SRPK2: variants seen among roughly 807,000 people sequenced by gnomAD.
The protein encoded by SRPK2 is SRSF protein kinase 2.
In SRPK2, 21 loss-of-function variants were observed where a neutral mutation model predicts 90.8. That is an observed-to-expected ratio of 0.23 (90% CI 0.16 to 0.33). The LOEUF (loss-of-function observed/expected upper bound fraction) is 0.33, where lower values mean the gene tolerates loss of function less well. SRPK2 is among the 10% of genes least tolerant of loss of function. The pLI is 1.00. For synonymous variants in SRPK2, 288 were observed against 311.1 expected (o/e 0.93, Z 0.78); for missense variants, 620 against 869.0 (o/e 0.71, Z 3.60).
In SRPK2 at chr7:105,377,979, T is replaced by C. The variant is rs752854479; in HGVS notation, c.71+10669A>G. On this transcript the variant is annotated intron_variant, in intron 2 of 15. Transcript: ENST00000393651. ...GGCCTCTAAGCAACTCCCCACACAA[T>C]AGCTAAAGGAATCTTTCTAAAAACC... Among the ~76,000 whole-genome samples the C allele has an allele frequency of 3.9e-5, 6 of 151,986 alleles. 1 individual carries two copies. The highest frequency in any genetic ancestry group is 7.2e-5 in the African/African-American group (3 of 41,386).
Position 105,142,441 on chromosome 7 carries a change from A to T in SRPK2, c.1110T>A (p.Ile370=), listed in dbSNP as rs2240464. The part of the protein sequence containing the change: ...EEKEDAEKEN[I]EKDEDDVDQE... ...GATCTACATCATCTTCATCTTTTTC[A>T]ATGTTTTCTTTCTCAGCATCTTCTT... Residue 370 remains isoleucine (I), a synonymous_variant, in exon 11 of 16, where the codon ATT becomes ATA. Transcript: ENST00000393651. 4,621 of 1,612,726 alleles carry T rather than the reference A, an allele frequency of 2.9e-3. 133 individuals are homozygous for T. The East Asian group carries it at 0.062, about 22-fold the overall frequency.
intron 1 of SRPK2, among the ~76,000 whole-genome samples, chr7:105,394,942 G>A (rs7809464): frequency 0.41 from 62,231 of 152,104 alleles, 14,916 homozygotes; most frequent in Non-Finnish European, 0.53. Flanking sequence ...AGGCCAAGGT[G>A]GGCGGGACAT....
chr7:105,158,598 C>A (rs948830402), intron 7 of SRPK2, among the ~76,000 whole-genome samples: 1 of 152,112 alleles, frequency 6.6e-6, no homozygotes, highest in Non-Finnish European at 1.5e-5. Context: ...GTGGTGTGGT[C>A]AGTCACTTAA....
chr7:105,245,066 C>CACAT (rs1185272059), intron 2 of SRPK2: 25 of 649,766 alleles, frequency 3.8e-5, no homozygotes, highest in South Asian at 3.5e-4. Context: ...CACACACACA[C>CACAT]ACACACACCT....
At chr7:105,256,504 C>T (rs897824560) in intron 2 of SRPK2, among the ~76,000 whole-genome samples, 8 of 152,170 alleles carry the variant, frequency 5.3e-5, no homozygotes, top group African/African-American at 1.4e-4. Context: ...TACAGGTACA[C>T]ATCACCATGC....
intron 11 of SRPK2, among the ~76,000 whole-genome samples, chr7:105,140,900 G>T (rs929185564): frequency 3.3e-5 from 5 of 152,052 alleles, no homozygotes; most frequent in Non-Finnish European, 5.9e-5. Flanking sequence ...GGCAGAGGTT[G>T]CAGTGAGCCG....
chr7:105,223,818 C>A (rs764458635), intron 2 of SRPK2, among the ~76,000 whole-genome samples: 1 of 152,148 alleles, frequency 6.6e-6, no homozygotes. Flanking sequence ...GTATAAAATA[C>A]CTAAGTGTGC....
chr7:105,183,471 T>TTTTG lies in SRPK2; in HGVS notation c.230-14210_230-14207dup, dbSNP rs573075370. Reference sequence around the variant, plus strand: ...AGATCGTAAATGGCTAGCGGGTTTTTTTTGTTTGTTTGTTTGTCTATTTTT... The same window carrying TTTTG: ...AGATCGTAAATGGCTAGCGGGTTTTTTTTGTTTGTTTGTTTGTTTGTCTATTTTT... On this transcript the variant is annotated intron_variant, in intron 3 of 15. Transcript: ENST00000393651. 1.3e-3 allele frequency among the ~76,000 whole-genome samples: 199 copies of TTTTG among 152,160 alleles called. 1 individual carries two copies. Among genetic ancestry groups the TTTTG allele is most frequent in the African/African-American group, 4.5e-3 (185 of 41,520 alleles).
chr7:105,238,311 G>T (rs1048917412), intron 2 of SRPK2, among the ~76,000 whole-genome samples: 3 of 152,204 alleles, frequency 2.0e-5, no homozygotes, highest in Admixed American at 2.0e-4. Context: ...GCTGAGAAAA[G>T]TCTGGACAGG....
At chr7:105,124,272 TCC>T (rs1800803863) in intron 15 of SRPK2, among the ~76,000 whole-genome samples, 2 of 152,172 alleles carry the variant, frequency 1.3e-5, no homozygotes, top group African/African-American at 4.8e-5. Flanking sequence ...TCTCTTTCTG[TCC>T]CTCTTTCCTT....
intron 2 of SRPK2, among the ~76,000 whole-genome samples, chr7:105,383,053 A>ATTTTTTTT (rs1161926443): frequency 3.9e-5 from 4 of 101,666 alleles, no homozygotes; most frequent in South Asian, 2.9e-4. Context: ...AAAAGTAAAA[A>ATTTTTTTT]TTTTTTTTTT....
chr7:105,216,145 G>T (rs1027252615), intron 2 of SRPK2, among the ~76,000 whole-genome samples: 2 of 151,962 alleles, frequency 1.3e-5, no homozygotes, highest in African/African-American at 4.8e-5. Context: ...CCACTGAATG[G>T]TATACTTTAA....
intron 2 of SRPK2, among the ~76,000 whole-genome samples, chr7:105,243,039 G>A (rs1801026495): frequency 1.3e-5 from 2 of 152,082 alleles, no homozygotes; most frequent in Non-Finnish European, 2.9e-5. Context: ...TAGAGACACG[G>A]TCTCACTCTG....
At chr7:105,250,147 T>G (rs1484828892) in intron 2 of SRPK2, among the ~76,000 whole-genome samples, 1 of 152,088 alleles carries the variant, frequency 6.6e-6, no homozygotes, top group Non-Finnish European at 1.5e-5. Context: ...CTGGCCAACA[T>G]GGTGAAACCC....
At chr7:105,175,905 T>C (rs938457708) in intron 3 of SRPK2, among the ~76,000 whole-genome samples, 1 of 152,120 alleles carries the variant, frequency 6.6e-6, no homozygotes, top group Non-Finnish European at 1.5e-5. Context: ...GTATATTTTA[T>C]CTTGATATTA....
In SRPK2 at chr7:105,345,067, C is replaced by T. The variant is rs183379387; in HGVS notation, c.71+43581G>A. On this transcript the variant is annotated intron_variant, in intron 2 of 15. Coordinates refer to ENST00000393651, the MANE Select transcript of SRPK2 (RefSeq NM_182692.3). ...AGAAGAATCACTTGAAACCAGGAGG[C>T]GGAGGTTACAGTGAGCCAAGATCGC... Among the ~76,000 whole-genome samples, 963 of 151,590 alleles carry T rather than the reference C, an allele frequency of 6.4e-3. 5 individuals carry two copies. Among genetic ancestry groups the T allele is most frequent in the Admixed American group, 0.011 (171 of 15,148 alleles).
chr7:105,244,478 G>A (rs1205417180), intron 2 of SRPK2, among the ~76,000 whole-genome samples: 3 of 152,262 alleles, frequency 2.0e-5, no homozygotes, highest in African/African-American at 4.8e-5. Context: ...GGAAGCTGAG[G>A]CGGGAGAATC....
chr7:105,249,934 A>G (rs1802249468), intron 2 of SRPK2, among the ~76,000 whole-genome samples: 1 of 152,220 alleles, frequency 6.6e-6, no homozygotes, highest in Non-Finnish European at 1.5e-5. Flanking sequence ...TGAGGATGAC[A>G]TATGATATGT....
chr7:105,366,878 T>G (rs919738953), intron 2 of SRPK2, among the ~76,000 whole-genome samples: 12 of 152,180 alleles, frequency 7.9e-5, no homozygotes, highest in Non-Finnish European at 1.3e-4. Flanking sequence ...TAGAATGCAC[T>G]CATTCTAAGA....
Sources: allele counts gnomAD v4.1 joint callset (sites outside exome capture counted in the v4.1 genomes callset), GRCh38; gene constraint gnomAD v4.1.1; transcripts MANE v1.5; gene names NCBI Gene and HGNC (gene_info 2026-07-23, HGNC 2026-07-21).